The following NUDT3 variants were observed in gnomAD, a reference collection of about 807,000 sequenced individuals.
NUDT3 encodes the protein diphosphoinositol polyphosphate phosphohydrolase 1.
Under a neutral mutation model 23.6 loss-of-function variants are expected in NUDT3, and 9 were observed. The observed-to-expected ratio is 0.38, with a 90% confidence interval of 0.23 to 0.66. NUDT3 has a LOEUF of 0.66. Among genes scored for constraint, NUDT3 ranks in the 30% least tolerant of loss-of-function variants. The probability of loss-of-function intolerance (pLI) is 0.52; values close to 1 mark genes in which losing one functional copy is unlikely to be tolerated. For missense variants in NUDT3, 172 were observed against 218.5 expected, an observed-to-expected ratio of 0.79 and a Z score of 1.34; for synonymous variants, 86 against 82.6, an observed-to-expected ratio of 1.04 and a Z score of -0.22.
At chr6:34,383,996 CA>C (rs1423624422) in intron 1 of NUDT3, among the ~76,000 whole-genome samples, 7 of 152,140 alleles carry the variant, frequency 4.6e-5, no homozygotes, top group Admixed American at 1.3e-4. Context: ...AGATGTGTTA[CA>C]AAAGGACTCC....
chr6:34,392,070 C>G (rs1765212458), intron 1 of NUDT3, among the ~76,000 whole-genome samples, 194 bp downstream of exon 1: 1 of 152,228 alleles, frequency 6.6e-6, no homozygotes, highest in Non-Finnish European at 1.5e-5. Flanking sequence ...CAGCCGCACT[C>G]AAACCCGCTT....
intron 3 of NUDT3, among the ~76,000 whole-genome samples, chr6:34,294,749 A>T (rs1417367496): frequency 6.6e-6 from 1 of 151,970 alleles, no homozygotes. Flanking sequence ...AGATTTATTT[A>T]CATATCTATT....
At chr6:34,321,176 G>A (rs1170604349) in intron 2 of NUDT3, among the ~76,000 whole-genome samples, 5 of 152,020 alleles carry the variant, frequency 3.3e-5, no homozygotes, top group Non-Finnish European at 5.9e-5. Flanking sequence ...GGTGGCTCAC[G>A]CATGTGAACC....
rs202246513 is a variant in NUDT3 at position 34,283,202 on chromosome 6, C to CTTTTTTT, written c.*5544_*5550dup. Reference sequence around the variant, plus strand: ...ACAAAATGGGATTCCCTTCCCTTTTCTTTTTTTTTTTTTTTTTTTTGAGAC... The same window carrying CTTTTTTT: ...ACAAAATGGGATTCCCTTCCCTTTTCTTTTTTTTTTTTTTTTTTTTTTTTTTTGAGAC... On this transcript the variant is annotated 3_prime_UTR_variant, in exon 5 of 5. Transcript: ENST00000607016. 1 of 107,662 alleles carries CTTTTTTT rather than the reference C, an allele frequency of 9.3e-6. No homozygotes were observed. The highest frequency in any genetic ancestry group is 3.3e-5 in the African/African-American group (1 of 30,526). 6.7% of individuals were successfully genotyped at this position (107,662 alleles called of 1,614,324 possible).
At position 34,392,370 on chromosome 6, in the gene NUDT3, GC is replaced by G. The variant is rs369412427; in HGVS notation, c.-9del. ...CGACTTGAGCTTCATCATCCTCCGG[GC>G]CCGGGTGGGGGTGCGGTGCGGGTCG... On this transcript the variant is annotated 5_prime_UTR_variant, in exon 1 of 5. Transcript: ENST00000607016. 282 of 1,597,278 alleles carry G rather than the reference GC, an allele frequency of 1.8e-4. No homozygotes were observed. The East Asian group carries it at 6.0e-3, about 34-fold the overall frequency.
chr6:34,301,963 G>C (rs1763604775), intron 2 of NUDT3, among the ~76,000 whole-genome samples: 4 of 152,040 alleles, frequency 2.6e-5, no homozygotes, highest in Admixed American at 2.6e-4. Flanking sequence ...TTTCCTCTTA[G>C]GGGCATTATA....
intron 1 of NUDT3, among the ~76,000 whole-genome samples, chr6:34,344,091 A>C (rs1764328801): frequency 6.6e-6 from 1 of 152,184 alleles, no homozygotes; most frequent in Non-Finnish European, 1.5e-5. Context: ...TGCTGATAGG[A>C]ATGTACAATG....
chr6:34,295,828 C>T (rs1763491360), intron 2 of NUDT3, 143 bp from the exon 3 acceptor site: 1 of 929,782 alleles, frequency 1.1e-6, no homozygotes, highest in Non-Finnish European at 1.6e-6. Context: ...GAAGTGATAC[C>T]AGTGTTTCCT....
intron 4 of NUDT3, among the ~76,000 whole-genome samples, chr6:34,292,861 T>C (rs1392481280): frequency 4.6e-5 from 7 of 152,220 alleles, no homozygotes; most frequent in African/African-American, 1.4e-4. Flanking sequence ...TGCAGAAGTA[T>C]AGCCCTTTTG....
At chr6:34,299,787 C>T (rs1409271652) in intron 2 of NUDT3, among the ~76,000 whole-genome samples, 1 of 151,352 alleles carries the variant, frequency 6.6e-6, no homozygotes, top group African/African-American at 2.4e-5. Context: ...CCCATAATCC[C>T]AGCTATTCAG....
chr6:34,328,638 C>G (rs886530442), intron 2 of NUDT3, among the ~76,000 whole-genome samples: 1 of 152,196 alleles, frequency 6.6e-6, no homozygotes, highest in African/African-American at 2.4e-5. Flanking sequence ...CCTCCCTCCT[C>G]TGCCTCCCAA....
intron 1 of NUDT3, among the ~76,000 whole-genome samples, chr6:34,365,537 T>C (rs955185869): frequency 1.3e-5 from 2 of 152,214 alleles, no homozygotes; most frequent in African/African-American, 4.8e-5. Flanking sequence ...GAAGACATCA[T>C]GCTAAGTGAA....
Position 34,392,562 on chromosome 6 carries a change from A to G in NUDT3, c.-200T>C. 2.7e-6 allele frequency: 1 copy of G among 370,510 alleles called. No individual in the cohort carries two copies. Among genetic ancestry groups the G allele is most frequent in the Non-Finnish European group, 4.8e-6 (1 of 207,342 alleles). 23.0% of individuals were successfully genotyped at this position (370,510 alleles called of 1,614,324 possible). On this transcript the variant is annotated 5_prime_UTR_variant, in exon 1 of 5. Coordinates refer to ENST00000607016, the MANE Select transcript of NUDT3 (RefSeq NM_006703.4). ...GCCCAGGTCCCGCGCCGCCGCTGCC[A>G]CCGTCACGGCTGCCGTCTCCGCTGC... is the stretch of plus-strand genomic sequence containing the variant.
intron 1 of NUDT3, among the ~76,000 whole-genome samples, chr6:34,372,942 T>G (rs1764855195): frequency 6.6e-6 from 1 of 151,338 alleles, no homozygotes; most frequent in Admixed American, 6.6e-5. Flanking sequence ...CCCCACTAAA[T>G]CTGACAGGCT....
At chr6:34,357,212 C>T (rs1196496508) in intron 1 of NUDT3, among the ~76,000 whole-genome samples, 1 of 152,070 alleles carries the variant, frequency 6.6e-6, no homozygotes, top group Non-Finnish European at 1.5e-5. Context: ...AATATACATC[C>T]TACAAAATTG....
rs561940075 is a variant in NUDT3 at position 34,373,337 on chromosome 6, G to A, written c.99+18927C>T. Among the ~76,000 whole-genome samples the A allele has an allele frequency of 4.2e-5, 4 of 94,744 alleles. No individual in the cohort carries two copies. In the East Asian group the frequency reaches 2.6e-3, roughly 61 times the overall value. The allele number at this position is 94,744 out of a possible 152,430, so 62.2% of individuals were successfully genotyped here. Reference sequence around the variant, plus strand: ...TTAGGATAAATTGCATATTATATGTGAATTTAATGTTATAAAATTTAAAGC... The same window carrying A: ...TTAGGATAAATTGCATATTATATGTAAATTTAATGTTATAAAATTTAAAGC... On this transcript the variant is annotated intron_variant, in intron 1 of 4. Coordinates refer to ENST00000607016, the MANE Select transcript of NUDT3 (RefSeq NM_006703.4).
In NUDT3 at chr6:34,286,547, T is replaced by C. The variant is rs1304245115; in HGVS notation, c.*2206A>G. 6.6e-6 allele frequency: 1 copy of C among 152,196 alleles called. No individual in the cohort carries two copies. Among genetic ancestry groups the C allele is most frequent in the Non-Finnish European group, 1.5e-5 (1 of 68,048 alleles). The allele number at this position is 152,196 out of a possible 1,614,324, so 9.4% of individuals were successfully genotyped here. A position where few individuals can be genotyped will look rare whatever the true frequency, so the allele number is the denominator to read the frequency against. ...TATTTATTTGAACAGAACTTTAGAA[T>C]GCTCTAGGTCAGGAAAAGAAACAGT... is the stretch of plus-strand genomic sequence containing the variant. On this transcript the variant is annotated 3_prime_UTR_variant, in exon 5 of 5. Coordinates refer to ENST00000607016, the MANE Select transcript of NUDT3 (RefSeq NM_006703.4).
chr6:34,294,456 G>A (rs1269864528), intron 3 of NUDT3, among the ~76,000 whole-genome samples: 5 of 151,986 alleles, frequency 3.3e-5, no homozygotes, highest in African/African-American at 7.2e-5. Flanking sequence ...GCCAGGGGCG[G>A]TGGCTCATGC....
At chr6:34,354,955 G>A (rs1381623015) in intron 1 of NUDT3, among the ~76,000 whole-genome samples, 3 of 151,512 alleles carry the variant, frequency 2.0e-5, no homozygotes, top group Non-Finnish European at 1.5e-5. Flanking sequence ...CTATATAGAT[G>A]ATCATGTTAA....
Sources: allele counts gnomAD v4.1 joint callset (sites outside exome capture counted in the v4.1 genomes callset), GRCh38; gene constraint gnomAD v4.1.1; transcripts MANE v1.5; gene names NCBI Gene and HGNC (gene_info 2026-07-23, HGNC 2026-07-21).